COG6: variants seen among roughly 807,000 people sequenced by gnomAD.
The protein encoded by COG6 is component of oligomeric golgi complex 6, also known as conserved oligomeric Golgi complex subunit 6.
COG6 carries 74 observed loss-of-function variants against 88.8 expected under a neutral mutation model. The observed-to-expected ratio is 0.83, with a 90% CI of 0.69 to 1.01. The LOEUF is 1.01. Among genes scored for constraint, COG6 ranks in the 50% least tolerant of loss-of-function variants. The pLI is 0.00. For missense variants in COG6, 800 were observed against 797.9 expected (o/e 1.00, Z -0.03); for synonymous variants, 286 against 278.7 (o/e 1.03, Z -0.26).
intron 3 of COG6, among the ~76,000 whole-genome samples, chr13:39,662,144 T>TTG (rs1874937816): frequency 1.5e-5 from 2 of 130,264 alleles, no homozygotes; most frequent in African/African-American, 2.6e-5. Context: ...TCCTTTGTAT[T>TTG]TTTTTTTTTT....
chr13:39,666,982 A>G (rs1875313674), intron 4 of COG6, among the ~76,000 whole-genome samples: 1 of 152,200 alleles, frequency 6.6e-6, no homozygotes, highest in Non-Finnish European at 1.5e-5. Flanking sequence ...ACCATAGTTC[A>G]TTGAACCTCA....
chr13:39,740,862 C>A (rs1295345856), intron 18 of COG6, among the ~76,000 whole-genome samples: 1 of 152,084 alleles, frequency 6.6e-6, no homozygotes, highest in Non-Finnish European at 1.5e-5. Flanking sequence ...GGCTTTTAGG[C>A]TTAACGCCTT....
At chr13:39,773,592 G>A (rs1348304402) in intron 18 of COG6, among the ~76,000 whole-genome samples, 1 of 152,176 alleles carries the variant, frequency 6.6e-6, no homozygotes, top group Middle Eastern at 3.2e-3. Flanking sequence ...CTATCACTTA[G>A]GAGTTACTCT....
At chr13:39,785,925 T>C (rs1363457688) in intron 18 of COG6, among the ~76,000 whole-genome samples, 1 of 152,092 alleles carries the variant, frequency 6.6e-6, no homozygotes, top group Non-Finnish European at 1.5e-5. Context: ...GGAAATGATA[T>C]ATCAAAGTAG....
intron 18 of COG6, among the ~76,000 whole-genome samples, chr13:39,760,408 T>C (rs1880974576): frequency 6.6e-6 from 1 of 152,020 alleles, no homozygotes; most frequent in Non-Finnish European, 1.5e-5. Context: ...TTTAAACTAT[T>C]AGATTCTTTT....
chr13:39,684,777 G>A (rs1211604412), intron 8 of COG6, among the ~76,000 whole-genome samples: 6 of 152,116 alleles, frequency 3.9e-5, no homozygotes, highest in Non-Finnish European at 7.4e-5. Flanking sequence ...AAGTTTCACT[G>A]TCCATTATTG....
chr13:39,727,599 T>C (rs755452526), intron 18 of COG6, 51 bp downstream of exon 18: 2 of 1,281,002 alleles, frequency 1.6e-6, no homozygotes, highest in Admixed American at 1.7e-5. Flanking sequence ...TATTTTTAAA[T>C]ATCAAGTACA....
At chr13:39,656,713 A>G (rs1874532826) in intron 1 of COG6, 1 of 380,888 alleles carries the variant, frequency 2.6e-6, no homozygotes, top group African/African-American at 2.1e-5. Context: ...TAACATTGCA[A>G]TGTAATGAAT....
At chr13:39,764,892 A>G (rs1881121529) in intron 18 of COG6, among the ~76,000 whole-genome samples, 1 of 152,156 alleles carries the variant, frequency 6.6e-6, no homozygotes, top group South Asian at 2.1e-4. Flanking sequence ...TCTTGTTTAA[A>G]TCATCTATAG....
At chr13:39,678,510 A>G (rs1876109866) in intron 5 of COG6, among the ~76,000 whole-genome samples, 1 of 152,162 alleles carries the variant, frequency 6.6e-6, no homozygotes, top group Non-Finnish European at 1.5e-5. Context: ...ATTTTTTCCA[A>G]ACTGGCTGAC....
At chr13:39,765,269 C>T (rs1407963562) in intron 18 of COG6, among the ~76,000 whole-genome samples, 3 of 152,258 alleles carry the variant, frequency 2.0e-5, no homozygotes, top group African/African-American at 4.8e-5. Context: ...AAGCCAATCA[C>T]GGATATATGA....
chr13:39,677,998 G>T, intron 5 of COG6: 1 of 415,790 alleles, frequency 2.4e-6, no homozygotes, highest in South Asian at 1.8e-5. Context: ...CCCCAACACA[G>T]ATAGTACACA....
At chr13:39,781,666 CTCTG>C (rs1190315177) in intron 18 of COG6, among the ~76,000 whole-genome samples, 4 of 152,050 alleles carry the variant, frequency 2.6e-5, no homozygotes, top group Non-Finnish European at 4.4e-5. Context: ...CCCCCATTTC[CTCTG>C]TCTGGGTTTG....
At chr13:39,664,569 T>C (rs897954878) in intron 3 of COG6, among the ~76,000 whole-genome samples, 25 of 152,232 alleles carry the variant, frequency 1.6e-4, no homozygotes, top group African/African-American at 5.8e-4. Flanking sequence ...GAAAGTTGAT[T>C]AGGAACAGCC....
chr13:39,682,644 G>A (rs1054577295), intron 8 of COG6, among the ~76,000 whole-genome samples: 1 of 152,048 alleles, frequency 6.6e-6, no homozygotes, highest in South Asian at 2.1e-4. Context: ...GTTATGCAGA[G>A]ATGAAAAAAG....
chr13:39,787,345 A>G (rs1380885919), intron 18 of COG6, among the ~76,000 whole-genome samples: 1 of 152,154 alleles, frequency 6.6e-6, no homozygotes, highest in African/African-American at 2.4e-5. Flanking sequence ...ATGCTTTAGC[A>G]TTTAACTGGA....
intron 18 of COG6, among the ~76,000 whole-genome samples, chr13:39,742,380 A>G (rs1880092191): frequency 6.6e-6 from 1 of 152,206 alleles, no homozygotes; most frequent in Admixed American, 6.5e-5. Context: ...AGAGACACAC[A>G]TAGGCTCAAA....
chr13:39,760,823 T>A (rs1456013797), intron 18 of COG6, among the ~76,000 whole-genome samples: 1 of 152,080 alleles, frequency 6.6e-6, no homozygotes, highest in Non-Finnish European at 1.5e-5. Flanking sequence ...AATTCCCATA[T>A]GTGAATAAAT....
Position 39,727,555 on chromosome 13 carries a change from ATT to A in COG6, c.1826+11_1826+12del. On this transcript the variant is annotated splice_region_variant and intron_variant, in intron 18 of 18. Transcript: ENST00000455146. ...TTCTAAGTGCCACAGTGAAGTAAGT[ATT>A]TTTGGTCCCAAGTAGTTGGTAAAGA... 1 of 1,603,790 alleles carries A rather than the reference ATT, an allele frequency of 6.2e-7. No individual in the cohort carries two copies. Among genetic ancestry groups the A allele is most frequent in the Non-Finnish European group, 8.5e-7 (1 of 1,170,726 alleles).
Sources: allele counts gnomAD v4.1 joint callset (sites outside exome capture counted in the v4.1 genomes callset), GRCh38; gene constraint gnomAD v4.1.1; transcripts MANE v1.5; gene names NCBI Gene and HGNC (gene_info 2026-07-23, HGNC 2026-07-21).